Variants in MPV17 observed in about 807,000 individuals in gnomAD.
The protein encoded by MPV17 is mitochondrial inner membrane protein MPV17.
MPV17 carries 31 observed loss-of-function variants against 28.6 expected under a neutral mutation model. The observed-to-expected ratio is 1.08, with a 90% CI of 0.81 to 1.46. The LOEUF is 1.46. Ranked by LOEUF, MPV17 falls within the 40% of genes most tolerant of loss-of-function variation. The pLI is 0.00. For missense variants in MPV17, 198 were observed against 216.2 expected, an observed-to-expected ratio of 0.92 and a Z score of 0.53; for synonymous variants, 87 against 85.3, an observed-to-expected ratio of 1.02 and a Z score of -0.11.
At chr2:27,312,378 C>A in intron 5 of MPV17, 116 bp downstream of exon 5, 1 of 1,427,200 alleles carries the variant, frequency 7.0e-7, no homozygotes, top group Non-Finnish European at 9.9e-7. Flanking sequence ...TCCTCTCCTC[C>A]ATGGCCTGGG....
In MPV17 at chr2:27,311,882, G is replaced by T. The variant is rs370284261; in HGVS notation, c.461+17C>A. On this transcript the variant is annotated intron_variant, in intron 7 of 7. Transcript: ENST00000380044. ...ACGTGGGTCTTCCTTGATGGGTGGG[G>T]TAGGGGTGCAACATACCTGTAATGA... 107 of 1,613,022 alleles carry T rather than the reference G, an allele frequency of 6.6e-5. No homozygotes were observed. The highest frequency in any genetic ancestry group is 8.6e-5 in the Non-Finnish European group (102 of 1,179,576).
rs958629901 is a variant in MPV17 at position 27,309,630 on chromosome 2, C to T, written c.*282G>A. On this transcript the variant is annotated 3_prime_UTR_variant, in exon 8 of 8. Transcript: ENST00000380044. ...GTCTATGAAGAGTGGGGATGAGTGGCATTTGCTGGGATATGGGTGTAAAGT... is the reference window on the plus strand; with the variant it reads ...GTCTATGAAGAGTGGGGATGAGTGGTATTTGCTGGGATATGGGTGTAAAGT... 11 of 594,136 alleles carry T rather than the reference C, an allele frequency of 1.9e-5. No homozygotes were observed. The South Asian group carries it at 2.2e-4, about 12-fold the overall frequency. The allele number at this position is 594,136 out of a possible 1,614,324, so 36.8% of individuals were successfully genotyped here. A position where few individuals can be genotyped will look rare whatever the true frequency, so the allele number is the denominator to read the frequency against.
At chr2:27,322,241 G>A (rs1679887659) in intron 2 of MPV17, 9 of 622,894 alleles carry the variant, frequency 1.4e-5, no homozygotes, top group South Asian at 3.7e-5. Context: ...AAACCCTACT[G>A]CACAGCTTGG....
chr2:27,309,587 G>T lies in MPV17; in HGVS notation c.*325C>A. The T allele has an allele frequency of 1.8e-6, 1 of 560,820 alleles. No homozygotes were observed. Among genetic ancestry groups the T allele is most frequent in the South Asian group, 2.1e-5 (1 of 46,514 alleles). The allele number at this position is 560,820 out of a possible 1,614,324, so 34.7% of individuals were successfully genotyped here. A position where few individuals can be genotyped will look rare whatever the true frequency, so the allele number is the denominator to read the frequency against. ...CTGGAGCTACAAGAAGCCTAGGCAG[G>T]GTTAGAGTAACAAATGTGTCTATGA... On this transcript the variant is annotated 3_prime_UTR_variant, in exon 8 of 8. Coordinates refer to ENST00000380044, the MANE Select transcript of MPV17 (RefSeq NM_002437.5).
intron 2 of MPV17, among the ~76,000 whole-genome samples, chr2:27,314,456 TC>T: frequency 6.6e-6 from 1 of 152,218 alleles, no homozygotes; most frequent in Middle Eastern, 3.4e-3. Context: ...AACCAAGATT[TC>T]CCCCATTCAC....
chr2:27,312,563 G>A lies in MPV17; in HGVS notation c.306C>T (p.Gly102=). 1 of 1,614,164 alleles carries A rather than the reference G, an allele frequency of 6.2e-7. No homozygotes were observed. Among genetic ancestry groups the A allele is most frequent in the Non-Finnish European group, 8.5e-7 (1 of 1,180,002 alleles). The change falls in exon 5 of 8, where the codon GGC becomes GGT. Residue 102 remains glycine (G), a synonymous_variant. Transcript: ENST00000380044. Reference sequence around the variant, plus strand: ...GTGCCCCTACCAGTGGGAGAAAGCAGCCTAGAAAACACGGGGCAAAGCCCC... The same window carrying A: ...GTGCCCCTACCAGTGGGAGAAAGCAACCTAGAAAACACGGGGCAAAGCCCC... ...DQGGFAPCFL[G]CFLPLVGALN...
intron 2 of MPV17, chr2:27,316,987 C>G: frequency 8.0e-7 from 1 of 1,244,774 alleles, no homozygotes; most frequent in Non-Finnish European, 1.1e-6. Context: ...CACTTCCTGC[C>G]CACTAGTGGA....
intron 2 of MPV17, among the ~76,000 whole-genome samples, chr2:27,315,352 G>C (rs1241760609): frequency 3.9e-5 from 6 of 152,210 alleles, no homozygotes; most frequent in Non-Finnish European, 7.3e-5. Flanking sequence ...CCAGGGATGA[G>C]AGGGAGCTGC....
chr2:27,313,514 C>T, intron 2 of MPV17: 1 of 413,516 alleles, frequency 2.4e-6, no homozygotes, highest in South Asian at 2.4e-5. Context: ...TCCAGGGTCT[C>T]ACATAACCAG....
intron 6 of MPV17, 46 bp from the exon 7 acceptor site, chr2:27,311,997 C>T (rs753352473): frequency 2.5e-6 from 4 of 1,604,938 alleles, no homozygotes; most frequent in Non-Finnish European, 3.4e-6. Context: ...CACCACCTGA[C>T]CCCAGACTCA....
intron 2 of MPV17, among the ~76,000 whole-genome samples, chr2:27,319,841 GCT>G (rs1679787295): frequency 6.6e-6 from 1 of 150,554 alleles, no homozygotes; most frequent in Non-Finnish European, 1.5e-5. Context: ...CATGATAATT[GCT>G]TGAACCCAGG....
At position 27,317,324 on chromosome 2, in the gene MPV17, A is replaced by G. The variant is rs1394678800; in HGVS notation, c.71-4215T>C. On this transcript the variant is annotated intron_variant, in intron 2 of 7. Coordinates refer to ENST00000380044, the MANE Select transcript of MPV17 (RefSeq NM_002437.5). This position sits in a 1 kb window ranked among gnomAD's most constrained non-coding sequence, Gnocchi z 4.0. ...AAGCCCAGCAGCGGGAGGGGAGTGG[A>G]TCCTCTGGGATTATTCTGAATGCTC... 2 of 1,118,674 alleles carry G rather than the reference A, an allele frequency of 1.8e-6. No homozygotes were observed. The highest frequency in any genetic ancestry group is 2.8e-5 in the East Asian group (1 of 35,546). 69.3% of individuals were successfully genotyped at this position (1,118,674 alleles called of 1,614,324 possible).
chr2:27,317,163 G>C lies in MPV17; in HGVS notation c.71-4054C>G. 6.5e-7 allele frequency: 1 copy of C among 1,550,370 alleles called. No homozygotes were observed. Among genetic ancestry groups the C allele is most frequent in the Non-Finnish European group, 8.7e-7 (1 of 1,146,930 alleles). On this transcript the variant is annotated intron_variant, in intron 2 of 7. Coordinates refer to ENST00000380044, the MANE Select transcript of MPV17 (RefSeq NM_002437.5). This position sits in a 1 kb window ranked among gnomAD's most constrained non-coding sequence, Gnocchi z 4.0. Reference sequence around the variant, plus strand: ...TGAGGAGCAGGAAGCGTGTCCTTCAGTCCAGGAGGCCTGGGTCGGCAGGTA... The same window carrying C: ...TGAGGAGCAGGAAGCGTGTCCTTCACTCCAGGAGGCCTGGGTCGGCAGGTA...
rs949261135 is a variant in MPV17 at position 27,312,507 on chromosome 2, G to A, written c.362C>T (p.Ala121Val). 6.2e-6 allele frequency: 10 copies of A among 1,613,994 alleles called. No individual in the cohort carries two copies. Among genetic ancestry groups the A allele is most frequent in the African/African-American group, 1.3e-5 (1 of 74,932 alleles). The change falls in exon 5 of 8, where the codon GCC becomes GTC. Residue 121 changes from alanine to valine, a missense_variant. Physicochemically the swap from Ala to Val is moderately conservative, Grantham distance 64 (BLOSUM62 0). Transcript: ENST00000380044. ...LNGLSAQDNW[A>V]KLQRDYPDAL... ...TGCCCAGCTCACCCGCTGTAGTTTG[G>A]CCCAGTTGTCCTGGGCTGACAGTCC...
At chr2:27,319,243 A>C (rs774663259) in intron 2 of MPV17, among the ~76,000 whole-genome samples, 5 of 151,632 alleles carry the variant, frequency 3.3e-5, no homozygotes, top group Non-Finnish European at 7.4e-5. Flanking sequence ...GCTTTCCGGA[A>C]CCCAAGGCTA....
intron 2 of MPV17, among the ~76,000 whole-genome samples, chr2:27,318,169 A>G (rs1351987773): frequency 1.3e-5 from 2 of 151,690 alleles, no homozygotes; most frequent in East Asian, 3.9e-4. Flanking sequence ...CACAGGTTCA[A>G]GCAATTCTCC....
At chr2:27,312,073 T>G in intron 6 of MPV17, 122 bp from the exon 7 acceptor site, 1 of 1,460,482 alleles carries the variant, frequency 6.8e-7, no homozygotes, top group South Asian at 1.1e-5. Context: ...GGTGATGGCT[T>G]CCCTATTTAT....
intron 2 of MPV17, 162 bp downstream of exon 2, chr2:27,322,282 TGGGG>T: frequency 1.4e-6 from 1 of 711,484 alleles, no homozygotes; most frequent in East Asian, 2.7e-5. Flanking sequence ...AAAACAGCCT[TGGGG>T]ACCACCCTCC....
intron 1 of MPV17, 53 bp from the exon 2 acceptor site, chr2:27,322,575 A>G: frequency 6.8e-7 from 1 of 1,472,658 alleles, no homozygotes; most frequent in Non-Finnish European, 9.5e-7. Flanking sequence ...TCCACGACTA[A>G]GAAGCCGCCT....
Sources: allele counts gnomAD v4.1 joint callset (sites outside exome capture counted in the v4.1 genomes callset), GRCh38; gene constraint gnomAD v4.1.1; non-coding constraint Gnocchi (gnomAD v3.1); transcripts MANE v1.5; gene names NCBI Gene and HGNC (gene_info 2026-07-23, HGNC 2026-07-21).